Variants in KIAA1210 observed in about 807,000 individuals in gnomAD.
KIAA1210 encodes KIAA1210.
In KIAA1210, 48 loss-of-function variants were observed where a neutral mutation model predicts 78.9. The ratio of observed to expected loss-of-function variants is 0.61; its 90% CI spans 0.48 to 0.77. KIAA1210 has a LOEUF of 0.77. KIAA1210 is among the 30% of genes least tolerant of loss of function. The pLI, the probability that KIAA1210 is intolerant of heterozygous loss-of-function variation, is 0.00. For synonymous variants in KIAA1210, 406 were observed against 404.5 expected (o/e 1.00, Z -0.04); for missense variants, 1,108 against 1,100.0 (o/e 1.01, Z -0.10).
In KIAA1210 at chrX:119,088,723, C is replaced by T; in HGVS notation, c.1979G>A (p.Cys660Tyr). 1 of 1,210,473 alleles carries T rather than the reference C, an allele frequency of 8.3e-7. No individual in the cohort carries two copies. Among genetic ancestry groups the T allele is most frequent in the Non-Finnish European group, 1.1e-6 (1 of 894,997 alleles). The part of the protein sequence containing the change: ...SSSEEELDLR[C>Y]LSQALEEPED... ...AGGCTCCTCTAAAGCCTGGGAGAGG[C>T]ATCTGAGGTCCAGCTCCTCCTCAGA... Residue 660 changes from cysteine (C) to tyrosine (Y), a missense_variant, in exon 9 of 12, where the codon TGC becomes TAC. Cys to Tyr is a radical substitution (Grantham distance 194). Coordinates refer to ENST00000691062, the MANE Select transcript of KIAA1210 (RefSeq NM_001394962.1).
chrX:119,108,990 C>A, intron 4 of KIAA1210, 86 bp downstream of exon 4: 1 of 1,036,171 alleles, frequency 9.7e-7, no homozygotes. Flanking sequence ...AACCAAGTTC[C>A]CACTCCTTTT....
At chrX:119,109,866 C>T (rs541119125) in intron 3 of KIAA1210, among the ~76,000 whole-genome samples, 7 of 111,860 alleles carry the variant, frequency 6.3e-5, no homozygotes, top group African/African-American at 1.6e-4. Context: ...GTACCACCTG[C>T]ACCTCCCTTC....
At chrX:119,108,163 C>A (rs1240397626) in intron 5 of KIAA1210, among the ~76,000 whole-genome samples, 174 bp downstream of exon 5, 1 of 111,456 alleles carries the variant, frequency 9.0e-6, no homozygotes, top group Non-Finnish European at 1.9e-5. Context: ...CACAAGCAAC[C>A]CTTTGAGGTA....
chrX:119,123,142 G>A (rs1463643976), intron 2 of KIAA1210, among the ~76,000 whole-genome samples: 4 of 112,198 alleles, frequency 3.6e-5, no homozygotes, highest in East Asian at 2.8e-4. Flanking sequence ...ATGGATACAC[G>A]AGTAAGTTTT....
chrX:119,087,190 G>A lies in KIAA1210; in HGVS notation c.3512C>T (p.Ser1171Leu), dbSNP rs762939254. ...AGGTACATTCACTGGGCCCTTTGATGACATCTGTGGCTGGAATTTAGACCT... is the reference window on the plus strand; with the variant it reads ...AGGTACATTCACTGGGCCCTTTGATAACATCTGTGGCTGGAATTTAGACCT... ...SDRSKFQPQM[S>L]SKGPVNVPVK... Residue 1171 changes from serine to leucine, a missense_variant, in exon 9 of 12, where the codon TCA becomes TTA. By Grantham distance (145) the Ser-to-Leu change is moderately radical. Coordinates refer to ENST00000691062, the MANE Select transcript of KIAA1210 (RefSeq NM_001394962.1). The A allele has an allele frequency of 5.8e-6, 7 of 1,211,568 alleles. No individual in the cohort carries two copies. Among genetic ancestry groups the A allele is most frequent in the Non-Finnish European group, 7.8e-6 (7 of 895,403 alleles).
At chrX:119,112,404 C>G (rs1380310850) in intron 3 of KIAA1210, among the ~76,000 whole-genome samples, 1 of 111,041 alleles carries the variant, frequency 9.0e-6, no homozygotes, top group Admixed American at 9.6e-5. Context: ...CTCTTTCTTA[C>G]TAATAGGAAT....
chrX:119,096,375 A>C, intron 7 of KIAA1210, 119 bp downstream of exon 7: 1 of 662,708 alleles, frequency 1.5e-6, no homozygotes, highest in Non-Finnish European at 2.2e-6. Context: ...TGACCTTGCC[A>C]AGCTTACTTA....
rs778910493 is a variant in KIAA1210 at position 119,087,276 on chromosome X, A to G, written c.3426T>C (p.Pro1142=). The G allele has an allele frequency of 8.3e-7, 1 of 1,211,368 alleles. No individual in the cohort carries two copies. Among genetic ancestry groups the G allele is most frequent in the East Asian group, 3.0e-5 (1 of 33,844 alleles). ...QKVSPVSASS[P]KEWRNSKKQL... ...GCTTTTTAGAATTCCTCCACTCTTT[A>G]GGAGAACTGGCAGAAACAGGGGAGA... Residue 1142 remains proline, a synonymous_variant, in exon 9 of 12, where the codon CCT becomes CCC. Coordinates refer to ENST00000691062, the MANE Select transcript of KIAA1210 (RefSeq NM_001394962.1).
Position 119,087,534 on chromosome X carries a change from A to G in KIAA1210, c.3168T>C (p.Pro1056=). The change falls in exon 9 of 12, where the codon CCT becomes CCC. Residue 1056 remains proline (P), a synonymous_variant. Transcript: ENST00000691062. ...CTGAGAAAACTTGGTGCTTGACTTC[A>G]GGCTTTGATAAAGATTTGGAAGGAA... is the stretch of plus-strand genomic sequence containing the variant. ...PNLPSKSLSK[P]EVKHQVFSDS... 1 of 1,211,528 alleles carries G rather than the reference A, an allele frequency of 8.3e-7. No individual in the cohort carries two copies. The highest frequency in any genetic ancestry group is 1.1e-6 in the Non-Finnish European group (1 of 895,388).
intron 3 of KIAA1210, 51 bp downstream of exon 3, chrX:119,116,445 C>T (rs1347767467): frequency 2.9e-5 from 33 of 1,156,661 alleles, no homozygotes; most frequent in South Asian, 3.9e-5. Flanking sequence ...CTAGATCCAA[C>T]TGCCTGCCTC....
At chrX:119,094,285 G>A (rs1277696000) in intron 7 of KIAA1210, among the ~76,000 whole-genome samples, 2 of 112,056 alleles carry the variant, frequency 1.8e-5, no homozygotes, top group Non-Finnish European at 3.8e-5. Context: ...TTGTTGGGAG[G>A]GAAAGGAGAA....
At chrX:119,104,775 G>A (rs1046645821) in intron 6 of KIAA1210, among the ~76,000 whole-genome samples, 5 of 111,207 alleles carry the variant, frequency 4.5e-5, no homozygotes, top group East Asian at 2.8e-4. Context: ...TTATTTTTTC[G>A]AAAATACTAT....
rs1416951033 is a variant in KIAA1210, at chrX:119,079,427, T to A, written c.*1902A>T. 9.0e-6 allele frequency: 1 copy of A among 111,554 alleles called. No individual in the cohort carries two copies. Among genetic ancestry groups the A allele is most frequent in the African/African-American group, 3.3e-5 (1 of 30,631 alleles). The allele number at this position is 111,554 out of a possible 1,213,427, so 9.2% of individuals were successfully genotyped here. On this transcript the variant is annotated 3_prime_UTR_variant, in exon 12 of 12. Coordinates refer to ENST00000691062, the MANE Select transcript of KIAA1210 (RefSeq NM_001394962.1). ...GCTCTCCCTTAGTGTTTGGTGGGTTTGGGGGATGGAATGAAGAGAAAGACA... is the reference window on the plus strand; with the variant it reads ...GCTCTCCCTTAGTGTTTGGTGGGTTAGGGGGATGGAATGAAGAGAAAGACA...
intron 6 of KIAA1210, among the ~76,000 whole-genome samples, chrX:119,102,231 C>T (rs1287042698): frequency 8.9e-6 from 1 of 112,816 alleles, no homozygotes; most frequent in Non-Finnish European, 1.9e-5. Context: ...AGAATCTTTC[C>T]TATCTGCTTT....
chrX:119,117,976 G>A (rs1380943074), intron 2 of KIAA1210, among the ~76,000 whole-genome samples: 2 of 111,535 alleles, frequency 1.8e-5, no homozygotes, highest in Non-Finnish European at 3.8e-5. Flanking sequence ...AAGGGGAGAA[G>A]GGGGAGAGGG....
chrX:119,083,052 C>T lies in KIAA1210; in HGVS notation c.4389G>A (p.Lys1463=), dbSNP rs1927016252. The T allele has an allele frequency of 2.5e-6, 3 of 1,208,693 alleles. No homozygotes were observed. The highest frequency in any genetic ancestry group is 1.1e-6 in the Non-Finnish European group (1 of 893,943). Residue 1463 remains lysine (K), a synonymous_variant, in exon 11 of 12, where the codon AAG becomes AAA. Coordinates refer to ENST00000691062, the MANE Select transcript of KIAA1210 (RefSeq NM_001394962.1). ...GCTTAGGTGGCTTCATCTGTGCTGT[C>T]TTCTCCTGTTTATGGACACTGGAAG... is the stretch of plus-strand genomic sequence containing the variant. ...MFTSSVHKQE[K]TAQMKPPKPT...
chrX:119,089,036 T>G lies in KIAA1210; in HGVS notation c.1666A>C (p.Lys556Gln), dbSNP rs771437164. Residue 556 changes from lysine to glutamine, a missense_variant, in exon 9 of 12, where the codon AAG (lysine) becomes CAG (glutamine). Around this residue, in one of 5 missense-constraint regions of KIAA1210, gnomAD observed 672 missense variants for 607.1 expected, o/e 1.11. Coordinates refer to ENST00000691062, the MANE Select transcript of KIAA1210 (RefSeq NM_001394962.1). ...GTCTGGTGAACATTTCCAGAAGGCT[T>G]TTCTTTGCAGATAGTTTGAACATCC... ...AQDVQTICKE[K>Q]PSGNVHQTFT... The G allele has an allele frequency of 1.7e-6, 2 of 1,211,994 alleles. No homozygotes were observed. The highest frequency in any genetic ancestry group is 4.3e-5 in the Admixed American group (2 of 46,088).
chrX:119,085,289 GGGGAGCTGCATGTTGGCAA>G, intron 10 of KIAA1210, 75 bp downstream of exon 10: 1 of 786,114 alleles, frequency 1.3e-6, no homozygotes, highest in Non-Finnish European at 1.9e-6. Context: ...CCAAAGAGAG[GGGGAGCTGCATGTTGGCAA>G]AGTTCCCAAT....
chrX:119,143,267 G>T (rs1234881775), intron 2 of KIAA1210, among the ~76,000 whole-genome samples: 1 of 112,310 alleles, frequency 8.9e-6, no homozygotes, highest in Non-Finnish European at 1.9e-5. Context: ...GGGGGCTGGG[G>T]CCCATGGGTG....
Sources: allele counts gnomAD v4.1 joint callset (sites outside exome capture counted in the v4.1 genomes callset), GRCh38; gene constraint gnomAD v4.1.1; regional missense constraint gnomAD v4.1.1; transcripts MANE v1.5; gene names NCBI Gene and HGNC (gene_info 2026-07-23, HGNC 2026-07-21).